The following GRIN2B variants were observed in gnomAD, a reference collection of about 807,000 sequenced individuals.
GRIN2B encodes the protein glutamate ionotropic receptor NMDA type subunit 2B, also known as glutamate receptor ionotropic, NMDA 2B.
GRIN2B carries 5 observed loss-of-function variants against 114.5 expected under a neutral mutation model. The ratio of observed to expected loss-of-function variants is 0.04; its 90% CI spans 0.02 to 0.09. The LOEUF (loss-of-function observed/expected upper bound fraction) is 0.09. GRIN2B is among the 10% of genes least tolerant of loss of function. GRIN2B has a pLI of 1.00. For missense variants in GRIN2B, 1,108 were observed against 1,943.5 expected (o/e 0.57, Z 8.08); for synonymous variants, 787 against 745.1 (o/e 1.06, Z -0.92).
intron 3 of GRIN2B, among the ~76,000 whole-genome samples, chr12:13,758,869 T>G (rs1266990563): frequency 2.0e-5 from 3 of 152,210 alleles, no homozygotes; most frequent in African/African-American, 7.2e-5. Context: ...AAACTATACC[T>G]TGTTCATCTC....
rs897675264 is a variant in GRIN2B, at chr12:13,555,887, G to A, written c.*6896C>T. ...TGATTGAATTTGTGCTCTTCACGTA[G>A]GTTTAAGACTTGCTCTTCTTGGGGA... On this transcript the variant is annotated 3_prime_UTR_variant, in exon 14 of 14. Transcript: ENST00000609686. 3 of 152,214 alleles carry A rather than the reference G, an allele frequency of 2.0e-5. No individual in the cohort carries two copies. Among genetic ancestry groups the A allele is most frequent in the Non-Finnish European group, 4.4e-5 (3 of 68,032 alleles). The allele number at this position is 152,214 out of a possible 1,614,324, so 9.4% of individuals were successfully genotyped here.
intron 10 of GRIN2B, among the ~76,000 whole-genome samples, chr12:13,597,814 T>A (rs1367459481): frequency 1.3e-5 from 2 of 152,208 alleles, no homozygotes; most frequent in Admixed American, 1.3e-4. Flanking sequence ...AGACCCTCCA[T>A]CGGTAACAGT....
chr12:13,828,133 T>C (rs1865082468), intron 3 of GRIN2B, among the ~76,000 whole-genome samples: 1 of 152,252 alleles, frequency 6.6e-6, no homozygotes, highest in African/African-American at 2.4e-5. Context: ...TAATAATTTT[T>C]GAAGCTCCTG....
chr12:13,616,081 G>C (rs1364953023), intron 6 of GRIN2B, among the ~76,000 whole-genome samples: 1 of 152,108 alleles, frequency 6.6e-6, no homozygotes, highest in Non-Finnish European at 1.5e-5. Context: ...ACTTTTAAAA[G>C]CATAGATTAG....
chr12:13,602,103 G>A (rs1465877852), intron 10 of GRIN2B, among the ~76,000 whole-genome samples: 1 of 152,122 alleles, frequency 6.6e-6, no homozygotes, highest in Non-Finnish European at 1.5e-5. Context: ...GGGCCAGACT[G>A]GCTCTGCCAA....
intron 4 of GRIN2B, among the ~76,000 whole-genome samples, chr12:13,734,412 T>C (rs1863146142): frequency 6.6e-6 from 1 of 152,200 alleles, no homozygotes; most frequent in African/African-American, 2.4e-5. Flanking sequence ...CGTTACTGAT[T>C]ATAAAGCCCG....
chr12:13,572,037 A>AATGTGAAGAGACATT, intron 10 of GRIN2B, 73 bp from the exon 11 acceptor site: 1 of 1,227,326 alleles, frequency 8.1e-7, no homozygotes, highest in Non-Finnish European at 1.2e-6. Context: ...CATTTTAGAA[A>AATGTGAAGAGACATT]ATGTGAAGAG....
intron 2 of GRIN2B, among the ~76,000 whole-genome samples, chr12:13,882,911 A>G (rs1866093027): frequency 6.6e-6 from 1 of 152,196 alleles, no homozygotes; most frequent in South Asian, 2.1e-4. Context: ...GTGTTCCTTT[A>G]TAATCAATCC....
intron 5 of GRIN2B, among the ~76,000 whole-genome samples, chr12:13,668,179 T>A (rs1353653123): frequency 2.6e-5 from 4 of 152,208 alleles, no homozygotes; most frequent in Non-Finnish European, 4.4e-5. Flanking sequence ...CCAGCACTTC[T>A]TCAGTCTCTG....
chr12:13,629,987 C>T (rs1949603764), intron 5 of GRIN2B, among the ~76,000 whole-genome samples: 1 of 152,168 alleles, frequency 6.6e-6, no homozygotes. Context: ...CTCGGCCTCA[C>T]AACTTGCCAT....
At chr12:13,692,736 C>T (rs192200527) in intron 4 of GRIN2B, among the ~76,000 whole-genome samples, 12 of 114,134 alleles carry the variant, frequency 1.1e-4, no homozygotes, top group Non-Finnish European at 2.1e-4. Flanking sequence ...GTAATCATTA[C>T]TTATTTTCAT....
At chr12:13,573,606 G>A (rs1948735002) in intron 10 of GRIN2B, among the ~76,000 whole-genome samples, 1 of 125,440 alleles carries the variant, frequency 8.0e-6, no homozygotes, top group South Asian at 2.1e-4. Flanking sequence ...CATTGTAGCT[G>A]TGCTGTGCTT....
At chr12:13,640,636 C>T (rs1053741192) in intron 5 of GRIN2B, among the ~76,000 whole-genome samples, 4 of 152,248 alleles carry the variant, frequency 2.6e-5, no homozygotes, top group East Asian at 1.9e-4. Context: ...GTTGACAAAA[C>T]GTTCAAGCAT....
intron 3 of GRIN2B, among the ~76,000 whole-genome samples, chr12:13,807,697 T>C (rs922702208): frequency 4.1e-5 from 6 of 146,252 alleles, no homozygotes; most frequent in Non-Finnish European, 6.0e-5. Context: ...CAGACGTTTA[T>C]TAAGCAGAAG....
intron 3 of GRIN2B, among the ~76,000 whole-genome samples, chr12:13,795,387 C>T (rs375882959): frequency 5.7e-5 from 8 of 140,764 alleles, no homozygotes; most frequent in Non-Finnish European, 1.3e-4. Flanking sequence ...AAAAAAAAAA[C>T]GTTTTACAAT....
chr12:13,739,494 T>C, intron 4 of GRIN2B, among the ~76,000 whole-genome samples: 1 of 149,292 alleles, frequency 6.7e-6, no homozygotes, highest in Admixed American at 6.7e-5. Flanking sequence ...CTCTACCACA[T>C]AGCTTCCCTG....
intron 4 of GRIN2B, among the ~76,000 whole-genome samples, chr12:13,689,901 A>C (rs1318367645): frequency 1.3e-5 from 2 of 151,730 alleles, no homozygotes; most frequent in African/African-American, 4.8e-5. Context: ...ATGCTTATGG[A>C]CTCAGATCAA....
At chr12:13,926,851 G>T (rs1475370605) in intron 2 of GRIN2B, among the ~76,000 whole-genome samples, 14 of 152,050 alleles carry the variant, frequency 9.2e-5, no homozygotes, top group Non-Finnish European at 1.9e-4. Flanking sequence ...TACTTAGGAG[G>T]CTGAGGCAGG....
In GRIN2B at chr12:13,545,338, C is replaced by CT. The variant is rs896909601; in HGVS notation, c.*17444dup. 2.0e-5 allele frequency: 3 copies of CT among 152,138 alleles called. No individual in the cohort carries two copies. Among genetic ancestry groups the CT allele is most frequent in the African/African-American group, 4.8e-5 (2 of 41,438 alleles). 9.4% of individuals were successfully genotyped at this position (152,138 alleles called of 1,614,324 possible). On this transcript the variant is annotated 3_prime_UTR_variant, in exon 14 of 14. Transcript: ENST00000609686. ...ATCTGACATGAGATCTATTGATTTG[C>CT]TTTTTTGTCCATTTCCTCTCATCAA...
Sources: gnomAD v4.1 joint callset for allele counts (sites outside exome capture counted in the v4.1 genomes callset) on GRCh38, gnomAD v4.1.1 for gene constraint, MANE v1.5 for transcripts, NCBI Gene and HGNC (gene_info 2026-07-23, HGNC 2026-07-21) for gene names.